The following EHBP1 variants were observed in gnomAD, a reference collection of about 807,000 sequenced individuals.
EHBP1 encodes the protein EH domain binding protein 1.
In EHBP1, 55 loss-of-function variants were observed where a neutral mutation model predicts 144.0. The ratio of observed to expected loss-of-function variants is 0.38; its 90% CI spans 0.31 to 0.48. The LOEUF is 0.48. EHBP1 is among the 20% of genes least tolerant of loss of function. The probability of loss-of-function intolerance (pLI) is 0.98; values close to 1 mark genes in which losing one functional copy is unlikely to be tolerated. For missense variants in EHBP1, 1,200 were observed against 1,364.2 expected (o/e 0.88, Z 1.90); for synonymous variants, 469 against 472.7 (o/e 0.99, Z 0.10).
chr2:62,807,866 G>A (rs542046491), intron 5 of EHBP1, among the ~76,000 whole-genome samples: 7 of 152,154 alleles, frequency 4.6e-5, no homozygotes, highest in Admixed American at 2.0e-4. Context: ...TTTGAGAAGT[G>A]GGAAGTAATT....
chr2:62,775,871 G>A (rs1299670703), intron 5 of EHBP1, among the ~76,000 whole-genome samples: 1 of 152,108 alleles, frequency 6.6e-6, no homozygotes, highest in East Asian at 1.9e-4. Context: ...TTTCTCCAGG[G>A]CCTTTGCCCT....
chr2:62,824,731 A>G (rs772739863), intron 5 of EHBP1, among the ~76,000 whole-genome samples: 2 of 152,010 alleles, frequency 1.3e-5, no homozygotes, highest in South Asian at 2.1e-4. Context: ...GCCACATTTT[A>G]AAACAAGGTA....
At chr2:62,761,919 A>G (rs947226358) in intron 3 of EHBP1, among the ~76,000 whole-genome samples, 1 of 152,136 alleles carries the variant, frequency 6.6e-6, no homozygotes, top group African/African-American at 2.4e-5. Context: ...GCTCTCTTCA[A>G]TTTGTTTCTT....
chr2:63,002,533 T>G (rs180850274), intron 19 of EHBP1, among the ~76,000 whole-genome samples: 1 of 152,252 alleles, frequency 6.6e-6, no homozygotes, highest in African/African-American at 2.4e-5. Flanking sequence ...GTCACTTCTC[T>G]TCATTAAAAT....
rs1399400265 is a variant in EHBP1 at position 62,771,325 on chromosome 2, T to A, written c.259-14T>A. On this transcript the variant is annotated splice_polypyrimidine_tract_variant and intron_variant, in intron 4 of 22. Coordinates refer to ENST00000431489, the MANE Select transcript of EHBP1 (RefSeq NM_001142616.3). Reference sequence around the variant, plus strand: ...TGTATTTCAATTCCATTTCATATTTTGCTTTTGTTACAGGATCCTCATGCG... The same window carrying A: ...TGTATTTCAATTCCATTTCATATTTAGCTTTTGTTACAGGATCCTCATGCG... The A allele has an allele frequency of 6.3e-7, 1 of 1,586,714 alleles. No individual in the cohort carries two copies. Among genetic ancestry groups the A allele is most frequent in the Non-Finnish European group, 8.6e-7 (1 of 1,164,584 alleles).
At chr2:62,892,832 T>G (rs13006926) in intron 10 of EHBP1, among the ~76,000 whole-genome samples, 1 of 152,034 alleles carries the variant, frequency 6.6e-6, no homozygotes, top group South Asian at 2.1e-4. Flanking sequence ...ATTTAATATA[T>G]CACATCCAAA....
chr2:62,919,194 T>C (rs542643801), intron 10 of EHBP1, among the ~76,000 whole-genome samples: 2 of 152,308 alleles, frequency 1.3e-5, no homozygotes, highest in South Asian at 4.1e-4. Flanking sequence ...GGCAAAGAGG[T>C]GGTGGCCATT....
At chr2:62,802,542 T>A (rs901717803) in intron 5 of EHBP1, among the ~76,000 whole-genome samples, 1 of 152,140 alleles carries the variant, frequency 6.6e-6, no homozygotes, top group Admixed American at 6.6e-5. Context: ...GAATAAATGA[T>A]GTTAAATATG....
intron 1 of EHBP1, among the ~76,000 whole-genome samples, chr2:62,693,262 T>C (rs1178477707): frequency 2.0e-5 from 3 of 152,186 alleles, no homozygotes; most frequent in South Asian, 4.1e-4. Flanking sequence ...CATTCATCTG[T>C]TGACGGACAC....
At chr2:62,733,485 A>G (rs2037813332) in intron 2 of EHBP1, among the ~76,000 whole-genome samples, 1 of 152,186 alleles carries the variant, frequency 6.6e-6, no homozygotes, top group African/African-American at 2.4e-5. Context: ...ATAGTCCTAT[A>G]ATCAGGCTTT....
chr2:62,842,788 T>C (rs1474482505), intron 7 of EHBP1, among the ~76,000 whole-genome samples: 1 of 152,204 alleles, frequency 6.6e-6, no homozygotes, highest in Non-Finnish European at 1.5e-5. Context: ...ACGGGTACTT[T>C]TAAGTAGGAA....
chr2:62,831,924 C>T (rs2046846639), intron 7 of EHBP1, among the ~76,000 whole-genome samples: 1 of 152,148 alleles, frequency 6.6e-6, no homozygotes, highest in African/African-American at 2.4e-5. Context: ...CTCTTGCTAT[C>T]ATGTGGGGGA....
At chr2:62,723,518 G>T (rs1303230295) in intron 2 of EHBP1, among the ~76,000 whole-genome samples, 1 of 152,132 alleles carries the variant, frequency 6.6e-6, no homozygotes, top group Non-Finnish European at 1.5e-5. Context: ...ATTTGATCCT[G>T]TCATCGTGAT....
At chr2:63,042,797 G>A (rs1409076197) in intron 21 of EHBP1, among the ~76,000 whole-genome samples, 1 of 151,736 alleles carries the variant, frequency 6.6e-6, no homozygotes, top group Non-Finnish European at 1.5e-5. Flanking sequence ...AAAGCAACTG[G>A]TCAAGTTCAG....
At chr2:62,981,011 C>T (rs950945326) in intron 15 of EHBP1, among the ~76,000 whole-genome samples, 1 of 141,760 alleles carries the variant, frequency 7.1e-6, no homozygotes, top group African/African-American at 2.6e-5. Context: ...GTTGAGGCTG[C>T]AGTGAGCTTG....
chr2:62,831,192 C>G (rs1341147985), intron 7 of EHBP1, 34 bp downstream of exon 7: 1 of 1,559,012 alleles, frequency 6.4e-7, no homozygotes. Flanking sequence ...AAAAGTTTAT[C>G]TTTTGTTGCA....
intron 7 of EHBP1, among the ~76,000 whole-genome samples, chr2:62,840,581 A>C (rs2047738634): frequency 6.6e-6 from 1 of 151,708 alleles, no homozygotes; most frequent in South Asian, 2.1e-4. Context: ...AATTTTCGCA[A>C]CCTACTCATC....
At chr2:62,840,262 G>T (rs1252638000) in intron 7 of EHBP1, among the ~76,000 whole-genome samples, 227 of 149,662 alleles carry the variant, frequency 1.5e-3, no homozygotes, top group African/African-American at 5.3e-3. Flanking sequence ...TTAATAAATG[G>T]TGCTGGGAAA....
At chr2:62,679,103 A>G (rs1189520204) in intron 1 of EHBP1, among the ~76,000 whole-genome samples, 1 of 152,238 alleles carries the variant, frequency 6.6e-6, no homozygotes, top group East Asian at 1.9e-4. Context: ...TCTATAGCCT[A>G]TGCTTTGTAT....
Sources: allele counts gnomAD v4.1 joint callset (sites outside exome capture counted in the v4.1 genomes callset), GRCh38; gene constraint gnomAD v4.1.1; transcripts MANE v1.5; gene names NCBI Gene and HGNC (gene_info 2026-07-23, HGNC 2026-07-21).